Variants in C4orf36 observed in about 807,000 individuals in gnomAD.
The protein encoded by C4orf36 is chromosome 4 open reading frame 36, also known as uncharacterized protein C4orf36.
In C4orf36, 11 loss-of-function variants were observed where a neutral mutation model predicts 12.2. The ratio of observed to expected loss-of-function variants is 0.90; its 90% CI spans 0.57 to 1.49. The LOEUF (loss-of-function observed/expected upper bound fraction) is 1.49, where lower values mean the gene tolerates loss of function less well. Among genes scored for constraint, C4orf36 ranks in the 40% most tolerant of loss-of-function variants. The pLI is 0.00. For synonymous variants in C4orf36, 54 were observed against 51.3 expected, an observed-to-expected ratio of 1.05 and a Z score of -0.22; for missense variants, 137 against 133.9, an observed-to-expected ratio of 1.02 and a Z score of -0.11.
chr4:86,879,807 A>G (rs141939822), intron 4 of C4orf36, among the ~76,000 whole-genome samples: 2 of 152,068 alleles, frequency 1.3e-5, no homozygotes, highest in African/African-American at 2.4e-5. Context: ...GACTCATCAC[A>G]TACTAGGGAG....
chr4:86,917,522 AAG>A, the C4orf36 span, among the ~76,000 whole-genome samples: 153 of 148,024 alleles, frequency 1.0e-3, 1 homozygote, highest in East Asian at 0.012. Context: ...GAAGAAAGAA[AAG>A]AGAGAGAAAG....
chr4:86,912,130 C>G, the C4orf36 span, among the ~76,000 whole-genome samples: 1 of 152,208 alleles, frequency 6.6e-6, no homozygotes, highest in Non-Finnish European at 1.5e-5. Context: ...CCACCTCAGC[C>G]TCCCAAAGTG....
At chr4:86,901,272 G>T in the C4orf36 span, among the ~76,000 whole-genome samples, 2 of 152,026 alleles carry the variant, frequency 1.3e-5, no homozygotes, top group Non-Finnish European at 1.5e-5. Context: ...ATAAGCCACT[G>T]AGCCCGGCCA....
intron 4 of C4orf36, among the ~76,000 whole-genome samples, chr4:86,880,065 G>A (rs1249670979): frequency 6.6e-6 from 1 of 152,042 alleles, no homozygotes; most frequent in Non-Finnish European, 1.5e-5. Flanking sequence ...TATTGCTCAA[G>A]CTGTTCTTAA....
At chr4:86,920,196 C>G in the C4orf36 span, among the ~76,000 whole-genome samples, 1 of 152,156 alleles carries the variant, frequency 6.6e-6, no homozygotes, top group African/African-American at 2.4e-5. Flanking sequence ...TCCTCTTTTC[C>G]ATGTAAGACC....
At chr4:86,922,904 C>T in the C4orf36 span, among the ~76,000 whole-genome samples, 2 of 151,848 alleles carry the variant, frequency 1.3e-5, no homozygotes, top group African/African-American at 4.8e-5. Context: ...CTCCCTCAGC[C>T]TTAGAGGTAG....
At chr4:86,917,328 G>GAGGA in the C4orf36 span, among the ~76,000 whole-genome samples, 6 of 71,504 alleles carry the variant, frequency 8.4e-5, no homozygotes, top group South Asian at 5.6e-4. Flanking sequence ...GAGAGAGAGA[G>GAGGA]ATGAAGGAAG....
chr4:86,914,391 CTTTTTTTT>C, the C4orf36 span: 243 of 327,686 alleles, frequency 7.4e-4, no homozygotes, highest in East Asian at 6.7e-3. Flanking sequence ...CTTCTTCTTC[CTTTTTTTT>C]TTTTTTTTTT....
chr4:86,877,489 C>CAGTCTT (rs1746952127), intron 4 of C4orf36, among the ~76,000 whole-genome samples: 1 of 152,188 alleles, frequency 6.6e-6, no homozygotes, highest in African/African-American at 2.4e-5. Context: ...TTACACAGAG[C>CAGTCTT]ACACTGGAAT....
chr4:86,895,860 G>C (rs1174053254), upstream of C4orf36, among the ~76,000 whole-genome samples: 3 of 152,072 alleles, frequency 2.0e-5, no homozygotes, highest in Non-Finnish European at 2.9e-5. Flanking sequence ...ATTAGGTAAG[G>C]CTTCACCCAT....
the C4orf36 span, among the ~76,000 whole-genome samples, chr4:86,905,254 A>G: frequency 6.6e-6 from 1 of 151,554 alleles, no homozygotes; most frequent in African/African-American, 2.4e-5. Context: ...ATGGTGGCAC[A>G]TGCCTGTCGT....
At chr4:86,879,091 G>GT (rs1487722543) in intron 4 of C4orf36, among the ~76,000 whole-genome samples, 2 of 151,916 alleles carry the variant, frequency 1.3e-5, no homozygotes, top group African/African-American at 2.4e-5. Context: ...TTTTTTGTTT[G>GT]TTTTTTGTTT....
At chr4:86,904,632 A>G in the C4orf36 span, among the ~76,000 whole-genome samples, 9,910 of 148,118 alleles carry the variant, frequency 0.067, 445 homozygotes, top group Non-Finnish European at 0.089. Flanking sequence ...AGTGGTGTAC[A>G]CCTGTAGTCC....
At chr4:86,879,224 CTA>C in intron 4 of C4orf36, among the ~76,000 whole-genome samples, 1 of 152,150 alleles carries the variant, frequency 6.6e-6, no homozygotes, top group South Asian at 2.1e-4. Flanking sequence ...AAACGCAGGC[CTA>C]TGATTTACCT....
the C4orf36 span, among the ~76,000 whole-genome samples, chr4:86,932,040 GAAAAAAAA>G: frequency 1.6e-5 from 1 of 62,530 alleles, no homozygotes; most frequent in African/African-American, 6.2e-5. Flanking sequence ...GTCTCAAAAA[GAAAAAAAA>G]AAAAAAAAAA....
chr4:86,917,557 G>T, the C4orf36 span, among the ~76,000 whole-genome samples: 1 of 51,632 alleles, frequency 1.9e-5, no homozygotes, highest in African/African-American at 3.8e-5. Context: ...AAGGAAGGAA[G>T]AGAGAGTGAG....
Position 86,888,110 on chromosome 4 carries a change from A to G in C4orf36, c.220+11T>C. The G allele has an allele frequency of 6.2e-7, 1 of 1,606,370 alleles. No individual in the cohort carries two copies. The highest frequency in any genetic ancestry group is 8.5e-7 in the Non-Finnish European group (1 of 1,176,604). On this transcript the variant is annotated intron_variant, in intron 3 of 4. Transcript: ENST00000295898. Reference sequence around the variant, plus strand: ...TTTATAACTTATTAAAGCAGAACTTAAGGAACTTACATTCTGCAGAAGGGA... The same window carrying G: ...TTTATAACTTATTAAAGCAGAACTTGAGGAACTTACATTCTGCAGAAGGGA...
chr4:86,925,771 C>T, the C4orf36 span: 1 of 150,502 alleles, frequency 6.6e-6, no homozygotes, highest in African/African-American at 2.4e-5. Flanking sequence ...GTGGATCTTT[C>T]CTTTTCTCTT....
At chr4:86,924,429 A>G in the C4orf36 span, among the ~76,000 whole-genome samples, 1 of 152,120 alleles carries the variant, frequency 6.6e-6, no homozygotes, top group South Asian at 2.1e-4. Context: ...TTGAACTCCT[A>G]TCCTCAAGTG....
Sources: gnomAD v4.1 joint callset for allele counts (sites outside exome capture counted in the v4.1 genomes callset) on GRCh38, gnomAD v4.1.1 for gene constraint, MANE v1.5 for transcripts, NCBI Gene and HGNC (gene_info 2026-07-23, HGNC 2026-07-21) for gene names.